Variants in ADAM32 observed in about 807,000 individuals in gnomAD.
The protein encoded by ADAM32 is ADAM metallopeptidase domain 32.
Under a neutral mutation model 114.9 loss-of-function variants are expected in ADAM32, and 89 were observed. The observed-to-expected ratio is 0.77, with a 90% CI of 0.65 to 0.92. ADAM32 has a LOEUF of 0.92. ADAM32 is among the 40% of genes least tolerant of loss of function. ADAM32 has a pLI of 0.00. For missense variants in ADAM32, 870 were observed against 932.8 expected, an observed-to-expected ratio of 0.93 and a Z score of 0.88; for synonymous variants, 285 against 307.5, an observed-to-expected ratio of 0.93 and a Z score of 0.77.
At chr8:39,270,759 T>C (rs1370506485) in intron 19 of ADAM32, 117 bp from the exon 20 acceptor site, 2 of 794,614 alleles carry the variant, frequency 2.5e-6, no homozygotes, top group African/African-American at 3.5e-5. Context: ...AATATTTTAT[T>C]TTTTAATAAT....
intron 6 of ADAM32, among the ~76,000 whole-genome samples, chr8:39,154,187 C>T (rs1283274364): frequency 6.6e-6 from 1 of 152,008 alleles, no homozygotes; most frequent in Non-Finnish European, 1.5e-5. Context: ...TATCCCTCCC[C>T]TACCCCCCAT....
chr8:39,136,710 T>G lies in ADAM32; in HGVS notation c.192T>G (p.Leu64=). ...ATGAGAAACTGTACACTGTGCACCT[T>G]AAACAAAGGTAAATTTTTATTCTTT... is the stretch of plus-strand genomic sequence containing the variant. ...PIDEKLYTVH[L]KQRYFLADNF... Residue 64 remains leucine (L), a synonymous_variant, in exon 3 of 25, where the codon CTT becomes CTG. Coordinates refer to ENST00000379907, the MANE Select transcript of ADAM32 (RefSeq NM_145004.7). The G allele has an allele frequency of 2.7e-6, 4 of 1,505,272 alleles. No homozygotes were observed. The highest frequency in any genetic ancestry group is 3.6e-6 in the Non-Finnish European group (4 of 1,115,632). The allele number at this position is 1,505,272 out of a possible 1,614,324, so 93.2% of individuals were successfully genotyped here. A position where few individuals can be genotyped will look rare whatever the true frequency, so the allele number is the denominator to read the frequency against.
intron 19 of ADAM32, among the ~76,000 whole-genome samples, chr8:39,269,512 A>T (rs1219936490): frequency 6.6e-6 from 1 of 152,100 alleles, no homozygotes; most frequent in Non-Finnish European, 1.5e-5. Context: ...TAATTTTCTT[A>T]GTTTACTCTT....
intron 23 of ADAM32, among the ~76,000 whole-genome samples, chr8:39,283,157 C>T (rs962058247): frequency 5.3e-5 from 8 of 151,888 alleles, no homozygotes; most frequent in African/African-American, 1.9e-4. Context: ...GCTGTAATCC[C>T]AGCATTTTGG....
intron 10 of ADAM32, among the ~76,000 whole-genome samples, chr8:39,186,565 C>T (rs1023009830): frequency 1.7e-4 from 26 of 152,074 alleles, no homozygotes; most frequent in African/African-American, 5.8e-4. Context: ...TATTAGAGCT[C>T]TTGTAAAAAG....
intron 11 of ADAM32, among the ~76,000 whole-genome samples, chr8:39,202,714 T>C (rs1262483864): frequency 6.6e-6 from 1 of 152,198 alleles, no homozygotes; most frequent in East Asian, 1.9e-4. Flanking sequence ...GTTCTTTTAA[T>C]TGTGATGTTA....
In ADAM32 at chr8:39,130,925, G is replaced by C. The variant is rs1211269183; in HGVS notation, c.139-5732G>C. ...TTTCATTTATCATGCCTATAATCCCGGCATTTTGGGAGACTGAGGCAGGAG... is the reference window on the plus strand; with the variant it reads ...TTTCATTTATCATGCCTATAATCCCCGCATTTTGGGAGACTGAGGCAGGAG... On this transcript the variant is annotated intron_variant, in intron 2 of 24. Transcript: ENST00000379907. 3.2e-5 allele frequency: 14 copies of C among 440,506 alleles called. No individual in the cohort carries two copies. In the Admixed American group the frequency reaches 3.6e-4, roughly 11 times the overall value. 27.3% of individuals were successfully genotyped at this position (440,506 alleles called of 1,614,324 possible).
At chr8:39,247,146 A>G (rs1337308264) in intron 17 of ADAM32, among the ~76,000 whole-genome samples, 2 of 152,222 alleles carry the variant, frequency 1.3e-5, no homozygotes, top group African/African-American at 4.8e-5. Flanking sequence ...AATTACAAAT[A>G]AAGTTTCTAT....
intron 11 of ADAM32, among the ~76,000 whole-genome samples, chr8:39,197,806 C>G (rs1339457238): frequency 1.3e-5 from 2 of 152,108 alleles, no homozygotes; most frequent in Non-Finnish European, 2.9e-5. Flanking sequence ...TAGATGAAAT[C>G]TTCCATATAT....
intron 22 of ADAM32, 24 bp from the exon 23 acceptor site, chr8:39,281,112 A>G (rs1813393293): frequency 2.5e-6 from 3 of 1,191,306 alleles, no homozygotes; most frequent in Non-Finnish European, 3.3e-6. Context: ...TATTTAATAT[A>G]TATTGTTTTT....
At chr8:39,163,836 A>G (rs1307921265) in intron 7 of ADAM32, among the ~76,000 whole-genome samples, 1 of 152,180 alleles carries the variant, frequency 6.6e-6, no homozygotes, top group Non-Finnish European at 1.5e-5. Context: ...TATTTATTTT[A>G]GTTTTGGATA....
intron 16 of ADAM32, among the ~76,000 whole-genome samples, chr8:39,243,222 C>T (rs1810679822): frequency 6.6e-6 from 1 of 152,036 alleles, no homozygotes; most frequent in Non-Finnish European, 1.5e-5. Flanking sequence ...AGAACTGGTA[C>T]CAATCCTACT....
At chr8:39,155,885 A>T (rs932468733) in intron 6 of ADAM32, among the ~76,000 whole-genome samples, 1 of 152,068 alleles carries the variant, frequency 6.6e-6, no homozygotes, top group Non-Finnish European at 1.5e-5. Flanking sequence ...TTACAATAAC[A>T]TCTTAAATTT....
At chr8:39,149,947 TG>T (rs1288522972) in intron 5 of ADAM32, 80 bp downstream of exon 5, 1 of 1,217,532 alleles carries the variant, frequency 8.2e-7, no homozygotes, top group Non-Finnish European at 1.2e-6. Context: ...GTATTAAGTG[TG>T]GGGTTGAAGG....
At position 39,172,919 on chromosome 8, in the gene ADAM32, G is replaced by C. The variant is rs7822835; in HGVS notation, c.915+2922G>C. ...TCTAGGTCTTTGAGGAATTGCCACA[G>C]TGTCTTCCACAATGGCTGAACTAAT... On this transcript the variant is annotated intron_variant, in intron 10 of 24. Coordinates refer to ENST00000379907, the MANE Select transcript of ADAM32 (RefSeq NM_145004.7). 2.6e-5 allele frequency among the ~76,000 whole-genome samples: 4 copies of C among 152,316 alleles called. No homozygotes were observed. In the East Asian group the frequency reaches 7.7e-4, roughly 29 times the overall value.
chr8:39,240,694 CT>C (rs1054765134), intron 16 of ADAM32, among the ~76,000 whole-genome samples: 3 of 152,140 alleles, frequency 2.0e-5, no homozygotes, highest in African/African-American at 7.2e-5. Flanking sequence ...GGAAACTCCC[CT>C]TTTTAAAACC....
chr8:39,227,247 C>A (rs182473299), intron 14 of ADAM32, among the ~76,000 whole-genome samples: 2 of 152,304 alleles, frequency 1.3e-5, no homozygotes, highest in Non-Finnish European at 2.9e-5. Flanking sequence ...CACACACCCC[C>A]ACTGGAGAAA....
At chr8:39,270,371 A>T (rs1055421376) in intron 19 of ADAM32, among the ~76,000 whole-genome samples, 1 of 152,020 alleles carries the variant, frequency 6.6e-6, no homozygotes, top group African/African-American at 2.4e-5. Context: ...ACTGGTCAGA[A>T]ATTTTATTAT....
At chr8:39,212,567 C>T (rs1808302075) in intron 12 of ADAM32, among the ~76,000 whole-genome samples, 1 of 152,036 alleles carries the variant, frequency 6.6e-6, no homozygotes, top group Admixed American at 6.6e-5. Flanking sequence ...AATGAGACAG[C>T]ACATATTTTT....
Sources: gnomAD v4.1 joint callset for allele counts (sites outside exome capture counted in the v4.1 genomes callset) on GRCh38, gnomAD v4.1.1 for gene constraint, MANE v1.5 for transcripts, NCBI Gene and HGNC (gene_info 2026-07-23, HGNC 2026-07-21) for gene names.